Variants in DLG2 observed in about 807,000 individuals in gnomAD.
The protein encoded by DLG2 is discs large MAGUK scaffold protein 2.
DLG2 carries 45 observed loss-of-function variants against 132.5 expected under a neutral mutation model. That is an observed-to-expected ratio of 0.34 (90% CI 0.27 to 0.44). DLG2 has a LOEUF of 0.44. Ranked by LOEUF, DLG2 falls within the 20% of genes least tolerant of loss-of-function variation. DLG2 has a pLI of 1.00. For missense variants in DLG2, 1,045 were observed against 1,196.9 expected (o/e 0.87, Z 1.87); for synonymous variants, 424 against 419.6 (o/e 1.01, Z -0.13).
At chr11:83,896,810 A>G (rs1486339617) in intron 15 of DLG2, among the ~76,000 whole-genome samples, 7 of 152,216 alleles carry the variant, frequency 4.6e-5, no homozygotes, top group Non-Finnish European at 1.0e-4. Context: ...ATTGAATTAT[A>G]CACTAGAAAT....
chr11:84,706,308 T>G (rs1006116420), intron 6 of DLG2, among the ~76,000 whole-genome samples: 3 of 151,822 alleles, frequency 2.0e-5, no homozygotes, highest in African/African-American at 7.2e-5. Context: ...CAAAAGCAAC[T>G]ATACAGAGAG....
At chr11:85,429,558 G>C (rs1254256897) in intron 3 of DLG2, among the ~76,000 whole-genome samples, 1 of 152,056 alleles carries the variant, frequency 6.6e-6, no homozygotes, top group African/African-American at 2.4e-5. Context: ...CATTCAAACA[G>C]ACACTTCTCA....
At chr11:85,150,208 G>A (rs796122966) in intron 5 of DLG2, among the ~76,000 whole-genome samples, 3 of 151,732 alleles carry the variant, frequency 2.0e-5, no homozygotes, top group African/African-American at 7.2e-5. Context: ...TTTTAGTAGA[G>A]ACAGGGTTTC....
At chr11:84,913,154 C>T (rs958113837) in intron 6 of DLG2, among the ~76,000 whole-genome samples, 7 of 152,100 alleles carry the variant, frequency 4.6e-5, no homozygotes, top group African/African-American at 1.7e-4. Flanking sequence ...ATCTAAGTGC[C>T]TGGGAGAATA....
chr11:85,464,253 A>T (rs1318707936), intron 3 of DLG2, among the ~76,000 whole-genome samples: 2 of 152,218 alleles, frequency 1.3e-5, no homozygotes, highest in African/African-American at 4.8e-5. Flanking sequence ...TGCTGCACAG[A>T]CAAAATCAAT....
intron 11 of DLG2, among the ~76,000 whole-genome samples, chr11:84,034,280 T>C (rs1344934734): frequency 1.3e-5 from 2 of 152,078 alleles, no homozygotes; most frequent in Non-Finnish European, 2.9e-5. Context: ...ATTTTTTAGT[T>C]ATAAAGTATT....
chr11:84,399,126 A>G (rs1160430621), intron 7 of DLG2, among the ~76,000 whole-genome samples: 3 of 152,172 alleles, frequency 2.0e-5, no homozygotes, highest in Non-Finnish European at 2.9e-5. Context: ...CTAAACAAAT[A>G]TCAGAAACTT....
chr11:83,996,564 C>A (rs575583852), intron 11 of DLG2, among the ~76,000 whole-genome samples: 1 of 152,260 alleles, frequency 6.6e-6, no homozygotes, highest in South Asian at 2.1e-4. Flanking sequence ...TTTGAAGCAA[C>A]CTAAGTGTCG....
chr11:84,469,287 T>C (rs1232784145), intron 7 of DLG2, among the ~76,000 whole-genome samples: 1 of 151,610 alleles, frequency 6.6e-6, no homozygotes, highest in African/African-American at 2.4e-5. Context: ...TAAGTCACTA[T>C]ATGAAATGCC....
At chr11:84,497,931 C>A (rs1396926393) in intron 7 of DLG2, among the ~76,000 whole-genome samples, 1 of 152,096 alleles carries the variant, frequency 6.6e-6, no homozygotes, top group Admixed American at 6.5e-5. Flanking sequence ...AACTGGCAAT[C>A]AAGATACACG....
intron 6 of DLG2, among the ~76,000 whole-genome samples, chr11:84,717,905 A>C (rs993334034): frequency 4.6e-5 from 7 of 152,098 alleles, no homozygotes; most frequent in African/African-American, 1.7e-4. Flanking sequence ...GCCACTTTAC[A>C]TATGAAGAAA....
At chr11:84,830,347 T>C (rs1293242259) in intron 6 of DLG2, among the ~76,000 whole-genome samples, 1 of 151,314 alleles carries the variant, frequency 6.6e-6, no homozygotes, top group African/African-American at 2.4e-5. Context: ...CTAAATGAAA[T>C]TTTGACAGCA....
intron 6 of DLG2, among the ~76,000 whole-genome samples, chr11:84,841,395 T>G (rs2080667021): frequency 6.6e-6 from 1 of 152,050 alleles, no homozygotes; most frequent in Non-Finnish European, 1.5e-5. Context: ...TTTCCATGTT[T>G]CTATATATGC....
intron 6 of DLG2, among the ~76,000 whole-genome samples, chr11:84,934,546 T>TTTTTTTTTTTTTTTTG (rs1183459468): frequency 6.2e-5 from 8 of 128,724 alleles, no homozygotes; most frequent in Non-Finnish European, 1.3e-4. Flanking sequence ...TTTTTTTTTT[T>TTTTTTTTTTTTTTTTG]GGTGGGTAGG....
chr11:84,416,622 G>A (rs975477414), intron 7 of DLG2, among the ~76,000 whole-genome samples: 2 of 152,156 alleles, frequency 1.3e-5, no homozygotes, highest in Non-Finnish European at 2.9e-5. Context: ...TTAAGATCCT[G>A]GTCTATCACT....
At chr11:84,771,138 C>A (rs61899052) in intron 6 of DLG2, among the ~76,000 whole-genome samples, 1 of 151,968 alleles carries the variant, frequency 6.6e-6, no homozygotes, top group Non-Finnish European at 1.5e-5. Context: ...TACACTCAGT[C>A]GTGGGATTGC....
chr11:85,342,243 A>G (rs894123664), intron 3 of DLG2, among the ~76,000 whole-genome samples: 2 of 152,140 alleles, frequency 1.3e-5, no homozygotes, highest in South Asian at 2.1e-4. Flanking sequence ...ATGCAAACAC[A>G]TTGTACAGTG....
chr11:85,598,631 T>C, intron 3 of DLG2, 26 bp downstream of exon 3: 1 of 1,511,536 alleles, frequency 6.6e-7, no homozygotes, highest in Non-Finnish European at 8.8e-7. Flanking sequence ...ACCATTAAAA[T>C]GATGAATAAC....
intron 6 of DLG2, among the ~76,000 whole-genome samples, chr11:85,029,758 C>A (rs2060853327): frequency 6.6e-6 from 1 of 152,078 alleles, no homozygotes; most frequent in African/African-American, 2.4e-5. Flanking sequence ...GAGTTTTGGC[C>A]AATTAAATGT....
Sources: allele counts gnomAD v4.1 joint callset (sites outside exome capture counted in the v4.1 genomes callset), GRCh38; gene constraint gnomAD v4.1.1; transcripts MANE v1.5; gene names NCBI Gene and HGNC (gene_info 2026-07-23, HGNC 2026-07-21).